The following TRHDE variants were observed in gnomAD, a reference collection of about 807,000 sequenced individuals.
TRHDE encodes the protein thyrotropin-releasing hormone-degrading ectoenzyme.
A neutral mutation model predicts 125.7 loss-of-function variants in TRHDE; 72 were observed. The observed-to-expected ratio is 0.57, with a 90% CI of 0.47 to 0.70. The LOEUF is 0.70. Among genes scored for constraint, TRHDE ranks in the 30% least tolerant of loss-of-function variants. The probability of loss-of-function intolerance (pLI) is 0.00; values close to 1 mark genes in which losing one functional copy is unlikely to be tolerated. For missense variants in TRHDE, 1,110 were observed against 1,327.1 expected (o/e 0.84, Z 2.54); for synonymous variants, 509 against 509.1 (o/e 1.00, Z 0.00).
rs1253922928 is a variant in TRHDE at position 72,273,007 on chromosome 12, G to A, written c.364G>A (p.Asp122Asn). The A allele has an allele frequency of 2.6e-6, 4 of 1,544,266 alleles. No individual in the cohort carries two copies. The highest frequency in any genetic ancestry group is 2.4e-5 in the East Asian group (1 of 41,608). The change falls in exon 1 of 19, where the codon GAC (aspartate) becomes AAC (asparagine). Residue 122 changes from aspartate to asparagine, a missense_variant. Transcript: ENST00000261180. The surrounding 1 kb of genome is among the most constrained non-coding windows in gnomAD (Gnocchi z 5.3). Reference sequence around the variant, plus strand: ...CGGGGCGAGTGCCACGCCAGGCGCCGACGGTGGCCCCTCAGGCTTTCCGGA... The same window carrying A: ...CGGGGCGAGTGCCACGCCAGGCGCCAACGGTGGCCCCTCAGGCTTTCCGGA... Reference protein sequence around the residue: ...ECGASATPGADGGPSGFPERG... With the variant: ...ECGASATPGANGGPSGFPERG...
intron 2 of TRHDE, among the ~76,000 whole-genome samples, chr12:72,302,845 C>A (rs1868282912): frequency 6.6e-6 from 1 of 152,172 alleles, no homozygotes; most frequent in Admixed American, 6.5e-5. Context: ...AGCTCAAGCT[C>A]TTTTGGACTG....
chr12:72,402,997 G>T (rs1392256548), intron 3 of TRHDE, among the ~76,000 whole-genome samples: 1 of 152,168 alleles, frequency 6.6e-6, no homozygotes, highest in East Asian at 1.9e-4. Context: ...CTCATTTGGT[G>T]ATTCTGGCAG....
At chr12:72,287,102 T>A in intron 2 of TRHDE, 148 bp downstream of exon 2, 1 of 903,060 alleles carries the variant, frequency 1.1e-6, no homozygotes, top group Non-Finnish European at 1.6e-6. Flanking sequence ...GGTTTTTACA[T>A]ATTTTACTAG....
intron 3 of TRHDE, among the ~76,000 whole-genome samples, chr12:72,427,352 C>T (rs889579243): frequency 2.0e-5 from 3 of 152,090 alleles, no homozygotes; most frequent in African/African-American, 7.2e-5. Flanking sequence ...CATCTCTTTT[C>T]CCCAGGACCC....
chr12:72,216,910 A>G (rs570194240), intron 2 of TRHDE, among the ~76,000 whole-genome samples: 1 of 152,064 alleles, frequency 6.6e-6, no homozygotes, highest in African/African-American at 2.4e-5. Context: ...GTAAATAGCA[A>G]CCTAACTTCA....
chr12:72,489,880 A>G (rs1324572597), intron 5 of TRHDE, among the ~76,000 whole-genome samples: 2 of 151,960 alleles, frequency 1.3e-5, no homozygotes, highest in African/African-American at 4.8e-5. Flanking sequence ...AACTGGAACT[A>G]TAACACTTTT....
intron 2 of TRHDE, among the ~76,000 whole-genome samples, chr12:72,196,806 A>G (rs915300972): frequency 6.6e-6 from 1 of 151,930 alleles, no homozygotes; most frequent in Admixed American, 6.6e-5. Context: ...TAGTTTCATC[A>G]CTTTTTCCCT....
chr12:72,300,663 A>G (rs769837251), intron 2 of TRHDE, among the ~76,000 whole-genome samples: 3 of 151,794 alleles, frequency 2.0e-5, no homozygotes, highest in Non-Finnish European at 2.9e-5. Flanking sequence ...TAGTATGTAT[A>G]TACACACACA....
rs1875102570 is a variant in TRHDE, at chr12:72,102,939, T to C, written n.175-2709T>C. On this transcript the variant is annotated intron_variant and non_coding_transcript_variant, in intron 1 of 4. Coordinates refer to the TRHDE transcript ENST00000548156. ...ATATTCTTGGGCAGCCCGTATCCAA[T>C]GGCTTAACTAGGCTTGGCCATTTTG... 2.0e-5 allele frequency among the ~76,000 whole-genome samples: 3 copies of C among 152,256 alleles called. No homozygotes were observed. The South Asian group carries it at 6.2e-4, about 31-fold the overall frequency.
At chr12:72,450,989 A>C (rs929293134) in intron 3 of TRHDE, among the ~76,000 whole-genome samples, 1 of 152,088 alleles carries the variant, frequency 6.6e-6, no homozygotes, top group Admixed American at 6.6e-5. Context: ...TTTCAAAATC[A>C]AATTATTTGT....
chr12:72,337,471 CCTT>C lies in TRHDE; in HGVS notation c.1189-40519_1189-40517del. The stretch of plus-strand genomic sequence containing the variant: ...GTAAATCTAAAACTTCATTTTTAGA[CCTT>C]CTTCAGAGACAGCGAGTAGTTTCTC... On this transcript the variant is annotated intron_variant, in intron 2 of 18. Coordinates refer to ENST00000261180, the MANE Select transcript of TRHDE (RefSeq NM_013381.3). Among the ~76,000 whole-genome samples the C allele has an allele frequency of 2.0e-5, 3 of 152,218 alleles. 1 individual carries two copies. The highest frequency in any genetic ancestry group is 6.8e-3 in the Middle Eastern group (2 of 294).
intron 7 of TRHDE, among the ~76,000 whole-genome samples, chr12:72,558,414 G>T (rs1870023383): frequency 6.6e-6 from 1 of 152,166 alleles, no homozygotes; most frequent in African/African-American, 2.4e-5. Flanking sequence ...TATCCATTAG[G>T]CATCTTCAGA....
In TRHDE at chr12:72,621,880, G is replaced by A. The variant is rs1873067940; in HGVS notation, c.2675+129G>A. On this transcript the variant is annotated intron_variant, in intron 15 of 18. Transcript: ENST00000261180. ...AAACAAAAGCATGCAGCAACATTTT[G>A]TGTCAGGTTCACAGCTTCCAAGGCA... 1.8e-5 allele frequency: 12 copies of A among 672,776 alleles called. No individual in the cohort carries two copies. The Admixed American group carries it at 4.1e-4, about 23-fold the overall frequency. The allele number at this position is 672,776 out of a possible 1,614,324, so 41.7% of individuals were successfully genotyped here.
rs535566311 is a variant in TRHDE, at chr12:72,638,928, G to A, written c.2676-13394G>A. On this transcript the variant is annotated intron_variant, in intron 15 of 18. Coordinates refer to ENST00000261180, the MANE Select transcript of TRHDE (RefSeq NM_013381.3). The stretch of plus-strand genomic sequence containing the variant: ...GGTAACCCGACCTTCCTCTCTGGCT[G>A]CCCTTAACATTTTTTCCTTCATTTC... Among the ~76,000 whole-genome samples the A allele has an allele frequency of 2.6e-5, 4 of 151,846 alleles. No individual in the cohort carries two copies. The East Asian group carries it at 7.7e-4, about 29-fold the overall frequency.
At chr12:72,127,867 A>G (rs1021947443) in intron 2 of TRHDE, among the ~76,000 whole-genome samples, 3 of 152,110 alleles carry the variant, frequency 2.0e-5, no homozygotes, top group African/African-American at 7.2e-5. Flanking sequence ...TTGTGTGTAT[A>G]TATATATGTG....
chr12:72,234,369 C>A (rs555936228), intron 2 of TRHDE, among the ~76,000 whole-genome samples: 1 of 152,116 alleles, frequency 6.6e-6, no homozygotes, highest in South Asian at 2.1e-4. Flanking sequence ...CTTTTTATTT[C>A]TTTTCTCAGT....
chr12:72,177,749 A>C (rs1308630793), intron 2 of TRHDE, among the ~76,000 whole-genome samples: 2 of 152,072 alleles, frequency 1.3e-5, no homozygotes, highest in African/African-American at 2.4e-5. Context: ...TATCCCCCAA[A>C]TGTGTAAAAT....
At chr12:72,346,263 G>A (rs1325582434) in intron 2 of TRHDE, among the ~76,000 whole-genome samples, 1 of 152,014 alleles carries the variant, frequency 6.6e-6, no homozygotes, top group African/African-American at 2.4e-5. Context: ...AAGAGTTGAT[G>A]AATCTTGAAG....
At chr12:72,556,691 C>A (rs539345694) in intron 7 of TRHDE, among the ~76,000 whole-genome samples, 2 of 152,148 alleles carry the variant, frequency 1.3e-5, no homozygotes, top group Admixed American at 1.3e-4. Context: ...TGAGTGATTG[C>A]CCCCGTATAA....
Sources: allele counts gnomAD v4.1 joint callset (sites outside exome capture counted in the v4.1 genomes callset), GRCh38; gene constraint gnomAD v4.1.1; non-coding constraint Gnocchi (gnomAD v3.1); transcripts MANE v1.5; gene names NCBI Gene and HGNC (gene_info 2026-07-23, HGNC 2026-07-21).